Variants in SCN10A observed in about 807,000 individuals in gnomAD.
The protein encoded by SCN10A is sodium channel protein type 10 subunit alpha.
SCN10A carries 162 observed loss-of-function variants against 170.7 expected under a neutral mutation model. The ratio of observed to expected loss-of-function variants is 0.95; its 90% CI spans 0.84 to 1.08. SCN10A has a LOEUF of 1.08. SCN10A is among the 50% of genes least tolerant of loss of function. The pLI is 0.00. For synonymous variants in SCN10A, 985 were observed against 904.6 expected, an observed-to-expected ratio of 1.09 and a Z score of -1.59; for missense variants, 2,527 against 2,436.9, an observed-to-expected ratio of 1.04 and a Z score of -0.78.
chr3:38,782,887 T>C (rs1302449017), intron 4 of SCN10A, among the ~76,000 whole-genome samples: 1 of 152,170 alleles, frequency 6.6e-6, no homozygotes, highest in African/African-American at 2.4e-5. Flanking sequence ...AGTCAGCCTT[T>C]GTTGCCTTAA....
chr3:38,736,361 C>CTGTGTGTGTGTGTGTG lies in SCN10A; in HGVS notation c.2280+3138_2280+3153dup, dbSNP rs68001863. Among the ~76,000 whole-genome samples, 120 of 139,462 alleles carry CTGTGTGTGTGTGTGTG rather than the reference C, an allele frequency of 8.6e-4. 1 individual carries two copies. Among genetic ancestry groups the CTGTGTGTGTGTGTGTG allele is most frequent in the African/African-American group, 1.6e-3 (61 of 37,854 alleles). 91.5% of individuals were successfully genotyped at this position (139,462 alleles called of 152,430 possible). A position where few individuals can be genotyped will look rare whatever the true frequency, so the allele number is the denominator to read the frequency against. On this transcript the variant is annotated intron_variant, in intron 15 of 27. Coordinates refer to ENST00000449082, the MANE Select transcript of SCN10A (RefSeq NM_006514.4). ...ATAAGATGTTGGTAATAGGGAAACT[C>CTGTGTGTGTGTGTGTG]TGTGTGTGTGTGTGTGTGTGTGTGT...
Position 38,697,588 on chromosome 3 carries a change from A to G in SCN10A, c.5632T>C (p.Cys1878Arg). The stretch of plus-strand genomic sequence containing the variant: ...GCCTCCTCCTCAGCTCTGGGCACAC[A>G]TGGGGTGTTAGAGAGTGCCATGGAG... ...HRSMALSNTP[C>R]VPRAEEEAAS... Residue 1878 changes from cysteine to arginine, a missense_variant, in exon 28 of 28, where the codon TGT (cysteine) becomes CGT (arginine). Physicochemically the swap from Cys to Arg is radical, Grantham distance 180. Coordinates refer to ENST00000449082, the MANE Select transcript of SCN10A (RefSeq NM_006514.4). 1 of 1,614,174 alleles carries G rather than the reference A, an allele frequency of 6.2e-7. No homozygotes were observed. Among genetic ancestry groups the G allele is most frequent in the Non-Finnish European group, 8.5e-7 (1 of 1,180,022 alleles).
At chr3:38,729,530 G>C (rs2063494309) in intron 15 of SCN10A, among the ~76,000 whole-genome samples, 1 of 152,168 alleles carries the variant, frequency 6.6e-6, no homozygotes, top group South Asian at 2.1e-4. Flanking sequence ...GCTAGCCTAT[G>C]AGGTGTATGA....
At chr3:38,804,897 G>T (rs1418984316) in intron 1 of SCN10A, among the ~76,000 whole-genome samples, 2 of 152,172 alleles carry the variant, frequency 1.3e-5, no homozygotes, top group Non-Finnish European at 2.9e-5. Flanking sequence ...GAAGAAAAAG[G>T]ATATGTCAGT....
intron 4 of SCN10A, among the ~76,000 whole-genome samples, chr3:38,774,213 C>T (rs1359174246): frequency 6.6e-6 from 1 of 151,942 alleles, no homozygotes; most frequent in East Asian, 1.9e-4. Context: ...TGTTGGTTTC[C>T]CCCCCACACT....
chr3:38,766,974 A>G (rs1444318593), intron 5 of SCN10A, among the ~76,000 whole-genome samples: 2 of 151,872 alleles, frequency 1.3e-5, no homozygotes, highest in Admixed American at 1.3e-4. Context: ...GTATATTTCC[A>G]GGAATTTATT....
At chr3:38,723,882 A>T (rs549117810) in intron 18 of SCN10A, among the ~76,000 whole-genome samples, 1 of 152,378 alleles carries the variant, frequency 6.6e-6, no homozygotes, top group East Asian at 1.9e-4. Flanking sequence ...ATGTCTCCAG[A>T]TGAATTCAAT....
At chr3:38,733,701 T>C (rs961061631) in intron 15 of SCN10A, among the ~76,000 whole-genome samples, 2 of 152,094 alleles carry the variant, frequency 1.3e-5, no homozygotes, top group Non-Finnish European at 2.9e-5. Context: ...CTTTTCTTTT[T>C]TAAATTTAAA....
intron 27 of SCN10A, 28 bp from the exon 28 acceptor site, chr3:38,698,590 T>C (rs1320967009): frequency 6.3e-7 from 1 of 1,597,022 alleles, no homozygotes; most frequent in Admixed American, 1.7e-5. Context: ...AATTATCTAA[T>C]TAGTATCTCC....
intron 16 of SCN10A, among the ~76,000 whole-genome samples, chr3:38,727,813 C>T (rs1023623354): frequency 6.6e-6 from 1 of 152,140 alleles, no homozygotes; most frequent in Non-Finnish European, 1.5e-5. Context: ...CCCACCATGA[C>T]CAGAGTGGGT....
chr3:38,742,275 C>T lies in SCN10A; in HGVS notation c.2106+16G>A. The T allele has an allele frequency of 6.2e-7, 1 of 1,601,066 alleles. No individual in the cohort carries two copies. The highest frequency in any genetic ancestry group is 1.1e-5 in the South Asian group (1 of 90,762). On this transcript the variant is annotated intron_variant, in intron 14 of 27. Coordinates refer to ENST00000449082, the MANE Select transcript of SCN10A (RefSeq NM_006514.4). ...CCGACCACGCCAGTGAGGGCAGTAC[C>T]AGCCAGAGCACTCACGATGTTGCCT...
At chr3:38,815,934 C>T (rs769820773) in intron 1 of SCN10A, 103 bp downstream of exon 1, 2 of 152,140 alleles carry the variant, frequency 1.3e-5, no homozygotes, top group Non-Finnish European at 2.9e-5. Flanking sequence ...ACAAAACATG[C>T]TTTGTTTTTG....
chr3:38,731,015 T>C (rs2063508377), intron 15 of SCN10A, among the ~76,000 whole-genome samples: 1 of 152,080 alleles, frequency 6.6e-6, no homozygotes, highest in South Asian at 2.1e-4. Flanking sequence ...ATTCAAGAAG[T>C]CAGTATATCT....
intron 15 of SCN10A, among the ~76,000 whole-genome samples, chr3:38,729,770 G>A (rs1425884493): frequency 6.6e-6 from 1 of 152,228 alleles, no homozygotes; most frequent in African/African-American, 2.4e-5. Flanking sequence ...GTGTGTTTAT[G>A]GAGCACCTAC....
At chr3:38,713,265 C>G (rs952390938) in intron 22 of SCN10A, among the ~76,000 whole-genome samples, 1 of 152,158 alleles carries the variant, frequency 6.6e-6, no homozygotes, top group Non-Finnish European at 1.5e-5. Context: ...AGAGAAGAAG[C>G]ATTCCAGTGG....
chr3:38,794,215 G>A (rs1023525976), intron 1 of SCN10A, among the ~76,000 whole-genome samples, 173 bp from the exon 2 acceptor site: 3 of 151,920 alleles, frequency 2.0e-5, no homozygotes, highest in African/African-American at 4.8e-5. Context: ...AAGGCATTCA[G>A]GGGAGGCTGT....
chr3:38,778,639 A>G (rs2126047581), intron 4 of SCN10A, among the ~76,000 whole-genome samples: 1 of 152,088 alleles, frequency 6.6e-6, no homozygotes, highest in East Asian at 1.9e-4. Flanking sequence ...TGGCAATAAG[A>G]TTGGTTTCTG....
intron 15 of SCN10A, 54 bp from the exon 16 acceptor site, chr3:38,728,955 T>C (rs1474969296): frequency 2.6e-6 from 4 of 1,531,404 alleles, no homozygotes; most frequent in Non-Finnish European, 3.5e-6. Context: ...TTACCTTTCA[T>C]CTAAAGTTTT....
In SCN10A at chr3:38,788,216, C is replaced by CAA. The variant is rs561959910; in HGVS notation, c.470+738_470+739dup. On this transcript the variant is annotated intron_variant, in intron 4 of 27. Transcript: ENST00000449082. ...TGGCATGCATTACTGTTATGATTAG[C>CAA]AAAAAAAAAAAAAAAAAAAAAAAGA... Among the ~76,000 whole-genome samples, 435 of 97,670 alleles carry CAA rather than the reference C, an allele frequency of 4.5e-3. 7 individuals are homozygous for CAA. In the East Asian group the frequency reaches 0.06, roughly 13 times the overall value. 64.1% of individuals were successfully genotyped at this position (97,670 alleles called of 152,430 possible).
Sources: allele counts gnomAD v4.1 joint callset (sites outside exome capture counted in the v4.1 genomes callset), GRCh38; gene constraint gnomAD v4.1.1; transcripts MANE v1.5; gene names NCBI Gene and HGNC (gene_info 2026-07-23, HGNC 2026-07-21).